Variants in ASTN2 observed in about 807,000 individuals in gnomAD.
ASTN2 encodes astrotactin-2.
In ASTN2, 54 loss-of-function variants were observed where a neutral mutation model predicts 139.8. The ratio of observed to expected loss-of-function variants is 0.39; its 90% confidence interval spans 0.31 to 0.48. The LOEUF (loss-of-function observed/expected upper bound fraction) is 0.48. Ranked by LOEUF, ASTN2 falls within the 20% of genes least tolerant of loss-of-function variation. The pLI is 0.95. For synonymous variants in ASTN2, 756 were observed against 719.5 expected, an observed-to-expected ratio of 1.05 and a Z score of -0.81; for missense variants, 1,565 against 1,725.1, an observed-to-expected ratio of 0.91 and a Z score of 1.64.
At chr9:117,055,037 GTA>G (rs1355458229) in intron 5 of ASTN2, among the ~76,000 whole-genome samples, 2 of 152,156 alleles carry the variant, frequency 1.3e-5, no homozygotes, top group East Asian at 1.9e-4. Flanking sequence ...AGCTTAGGCT[GTA>G]TTGCTCACTT....
At chr9:116,701,861 A>G (rs1005143669) in intron 16 of ASTN2, among the ~76,000 whole-genome samples, 2 of 148,630 alleles carry the variant, frequency 1.3e-5, no homozygotes, top group African/African-American at 4.9e-5. Flanking sequence ...TAATTTGTTC[A>G]ATTACAGCAG....
At chr9:116,788,249 T>C (rs1440054715) in intron 13 of ASTN2, among the ~76,000 whole-genome samples, 1 of 152,106 alleles carries the variant, frequency 6.6e-6, no homozygotes, top group Non-Finnish European at 1.5e-5. Flanking sequence ...GAGGAGCAAG[T>C]TTTAGTCCAT....
chr9:116,457,140 G>T (rs1848356417), intron 20 of ASTN2, among the ~76,000 whole-genome samples: 1 of 151,960 alleles, frequency 6.6e-6, no homozygotes, highest in Admixed American at 6.6e-5. Context: ...GAGAAAACTG[G>T]GTATCCATAT....
chr9:116,804,034 A>G (rs1226491502), intron 13 of ASTN2, among the ~76,000 whole-genome samples: 1 of 151,948 alleles, frequency 6.6e-6, no homozygotes, highest in Non-Finnish European at 1.5e-5. Flanking sequence ...CCACCTGCCA[A>G]CGATACCTAA....
In ASTN2 at chr9:116,487,425, C is replaced by T. The variant is rs781306907; in HGVS notation, c.3431G>A (p.Gly1144Glu). The T allele has an allele frequency of 1.9e-6, 3 of 1,614,062 alleles. No individual in the cohort carries two copies. Among genetic ancestry groups the T allele is most frequent in the African/African-American group, 2.7e-5 (2 of 75,024 alleles). The change falls in exon 20 of 23, where the codon GGA becomes GAA. Residue 1144 changes from glycine (G) to glutamate (E), a missense_variant. By Grantham distance (98) the Gly-to-Glu change is moderately conservative. This residue lies in a region of ASTN2 where 418 missense variants were observed against 465.8 expected (regional missense o/e 0.90). Coordinates refer to ENST00000313400, the MANE Select transcript of ASTN2 (RefSeq NM_001365068.1). Reference protein sequence around the residue: ...TSCVAAGRSHGEVPEVSIYSV... With the variant: ...TSCVAAGRSHEEVPEVSIYSV... ...GTAGATACTGACTTCAGGGACCTCT[C>T]CATGGCTTCGACCAGCTGCTACACA...
chr9:117,371,418 A>G (rs1206740341), intron 1 of ASTN2, among the ~76,000 whole-genome samples: 1 of 152,150 alleles, frequency 6.6e-6, no homozygotes, highest in Non-Finnish European at 1.5e-5. Context: ...CAAGGCCTCA[A>G]ATTCTCGTAG....
chr9:117,323,588 A>G (rs1365794329), intron 1 of ASTN2, among the ~76,000 whole-genome samples: 1 of 152,136 alleles, frequency 6.6e-6, no homozygotes. Flanking sequence ...AATCACTGAC[A>G]TTGGATTCAT....
intron 7 of ASTN2, among the ~76,000 whole-genome samples, chr9:116,984,708 T>C (rs1019171418): frequency 8.5e-5 from 13 of 152,240 alleles, no homozygotes; most frequent in African/African-American, 1.7e-4. Context: ...ATTTGGGCAC[T>C]GTTGAGTATA....
At chr9:117,269,189 A>C (rs1834004683) in intron 2 of ASTN2, among the ~76,000 whole-genome samples, 1 of 152,232 alleles carries the variant, frequency 6.6e-6, no homozygotes, top group African/African-American at 2.4e-5. Flanking sequence ...CAAGGTGCTT[A>C]CATTTCAGCA....
chr9:117,180,922 A>G, intron 3 of ASTN2: 1 of 1,595,272 alleles, frequency 6.3e-7, no homozygotes. Context: ...CTTGTTCTGC[A>G]GCTTGGTGTG....
Position 116,733,479 on chromosome 9 carries a change from A to G in ASTN2, c.2441T>C (p.Leu814Pro), listed in dbSNP as rs1564238675. ...IKDFPQLADG[L>P]LVIPLPVEEQ... ...CTCCACCGGCAGCGGGATCACCAAC[A>G]GCCCATCGGCCAGCTGGGGAAAGTC... The change falls in exon 14 of 23, where the codon CTG (leucine) becomes CCG (proline). Residue 814 changes from leucine (L) to proline (P), a missense_variant. By Grantham distance (98) the Leu-to-Pro change is moderately conservative (BLOSUM62 -3). Around this residue, in one of 4 missense-constraint regions of ASTN2, gnomAD observed 503 missense variants for 591.7 expected, o/e 0.85. Transcript: ENST00000313400. The G allele has an allele frequency of 6.2e-7, 1 of 1,614,220 alleles. No homozygotes were observed. The highest frequency in any genetic ancestry group is 8.5e-7 in the Non-Finnish European group (1 of 1,180,044).
chr9:116,701,461 A>C (rs529340694), intron 16 of ASTN2, among the ~76,000 whole-genome samples: 1 of 152,368 alleles, frequency 6.6e-6, no homozygotes, highest in Admixed American at 6.5e-5. Context: ...GGGGGCACCC[A>C]GCAGCAGGAG....
chr9:117,149,405 TTGTGTGTGTTTGTG>T (rs1295968702), intron 3 of ASTN2, among the ~76,000 whole-genome samples: 3 of 151,828 alleles, frequency 2.0e-5, no homozygotes, highest in Admixed American at 2.0e-4. Context: ...TAATAGGGTG[TTGTGTGTGTTTGTG>T]TGTGTGTGTG....
chr9:117,277,533 TA>T (rs1282544672), intron 2 of ASTN2, among the ~76,000 whole-genome samples: 1 of 152,128 alleles, frequency 6.6e-6, no homozygotes, highest in African/African-American at 2.4e-5. Flanking sequence ...CTCAAAAAAT[TA>T]AAAATGGAAC....
chr9:117,374,065 G>C (rs187944354), intron 1 of ASTN2, among the ~76,000 whole-genome samples: 1 of 152,236 alleles, frequency 6.6e-6, no homozygotes, highest in African/African-American at 2.4e-5. Flanking sequence ...AAGAAAGTGG[G>C]GGAAATACTT....
chr9:117,374,988 T>C (rs1307782505), intron 1 of ASTN2, among the ~76,000 whole-genome samples: 1 of 152,210 alleles, frequency 6.6e-6, no homozygotes, highest in East Asian at 1.9e-4. Context: ...AGATCATCTT[T>C]AGAACCAATC....
chr9:116,459,520 G>A (rs1032359591), intron 20 of ASTN2, among the ~76,000 whole-genome samples: 1 of 151,858 alleles, frequency 6.6e-6, no homozygotes, highest in South Asian at 2.1e-4. Flanking sequence ...ATCTCATAAA[G>A]GTGTCATGTC....
At chr9:117,062,232 C>A (rs1268839749) in intron 5 of ASTN2, among the ~76,000 whole-genome samples, 1 of 152,204 alleles carries the variant, frequency 6.6e-6, no homozygotes. Context: ...AGGTCAGCCA[C>A]CTCAGCCAAA....
At chr9:117,258,019 G>A (rs1428055348) in intron 2 of ASTN2, among the ~76,000 whole-genome samples, 1 of 152,220 alleles carries the variant, frequency 6.6e-6, no homozygotes, top group African/African-American at 2.4e-5. Flanking sequence ...CAAGATGCCA[G>A]CTTGGCAGCT....
Sources: allele counts gnomAD v4.1 joint callset (sites outside exome capture counted in the v4.1 genomes callset), GRCh38; gene constraint gnomAD v4.1.1; regional missense constraint gnomAD v4.1.1; transcripts MANE v1.5; gene names NCBI Gene and HGNC (gene_info 2026-07-23, HGNC 2026-07-21).